SFSWAP: variants seen among roughly 807,000 people sequenced by gnomAD.
SFSWAP encodes splicing factor, suppressor of white-apricot homolog.
A neutral mutation model predicts 100.7 loss-of-function variants in SFSWAP; 17 were observed. The observed-to-expected ratio is 0.17, with a 90% CI of 0.12 to 0.25. The LOEUF (loss-of-function observed/expected upper bound fraction) is 0.25. SFSWAP is among the 10% of genes least tolerant of loss of function. The pLI, the probability that SFSWAP is intolerant of heterozygous loss-of-function variation, is 1.00. For missense variants in SFSWAP, 1,005 were observed against 1,262.6 expected (o/e 0.80, Z 3.09); for synonymous variants, 504 against 510.1 (o/e 0.99, Z 0.16).
intron 7 of SFSWAP, among the ~76,000 whole-genome samples, chr12:131,752,158 C>G (rs955326692): frequency 6.6e-6 from 1 of 152,176 alleles, no homozygotes; most frequent in East Asian, 1.9e-4. Context: ...TACTGGAAAC[C>G]ATAGTTAAGC....
chr12:131,741,644 CAAAA>C (rs543737279), intron 7 of SFSWAP, among the ~76,000 whole-genome samples: 21 of 68,874 alleles, frequency 3.0e-4, no homozygotes, highest in Admixed American at 2.0e-3. Flanking sequence ...AGACTCTGTC[CAAAA>C]AAAAAAAAAA....
Position 131,714,424 on chromosome 12 carries a change from C to A in SFSWAP, c.388+184C>A. The A allele has an allele frequency of 1.8e-6, 1 of 549,770 alleles. No individual in the cohort carries two copies. Among genetic ancestry groups the A allele is most frequent in the Non-Finnish European group, 3.1e-6 (1 of 320,798 alleles). 34.1% of individuals were successfully genotyped at this position (549,770 alleles called of 1,614,324 possible). A position where few individuals can be genotyped will look rare whatever the true frequency, so the allele number is the denominator to read the frequency against. On this transcript the variant is annotated intron_variant, in intron 2 of 17. Coordinates refer to ENST00000261674, the MANE Select transcript of SFSWAP (RefSeq NM_004592.4). The surrounding 1 kb of genome is among the most constrained non-coding windows in gnomAD (Gnocchi z 6.0). Reference sequence around the variant, plus strand: ...ACCTCAGGATAGTTTATATATAGAGCCACAAAGAATTTTCCCAGCTTTTGA... The same window carrying A: ...ACCTCAGGATAGTTTATATATAGAGACACAAAGAATTTTCCCAGCTTTTGA...
chr12:131,723,468 T>C (rs917198259), intron 4 of SFSWAP, among the ~76,000 whole-genome samples: 6 of 152,218 alleles, frequency 3.9e-5, no homozygotes, highest in East Asian at 3.8e-4. Flanking sequence ...AATATTTTCC[T>C]ATATTTACTG....
At chr12:131,772,152 G>A (rs1176676791) in intron 13 of SFSWAP, among the ~76,000 whole-genome samples, 1 of 152,150 alleles carries the variant, frequency 6.6e-6, no homozygotes, top group Non-Finnish European at 1.5e-5. Context: ...GAATTTATTT[G>A]AGTTTGAGGA....
intron 4 of SFSWAP, among the ~76,000 whole-genome samples, chr12:131,722,888 G>A (rs1198837341): frequency 6.6e-6 from 1 of 152,174 alleles, no homozygotes; most frequent in Non-Finnish European, 1.5e-5. Flanking sequence ...GGTGGAGGTT[G>A]TAGTGAGCTA....
At chr12:131,721,598 A>T (rs12306652) in intron 4 of SFSWAP, among the ~76,000 whole-genome samples, 6,927 of 152,226 alleles carry the variant, frequency 0.046, 537 homozygotes, top group African/African-American at 0.16. Context: ...AGTGTTAAAA[A>T]TTTTTTAATT....
chr12:131,765,601 T>G (rs1034289017), intron 12 of SFSWAP, among the ~76,000 whole-genome samples: 1 of 151,254 alleles, frequency 6.6e-6, no homozygotes, highest in Non-Finnish European at 1.5e-5. Context: ...TGAGCTGAGA[T>G]CACGCCATTG....
chr12:131,748,553 T>A (rs960095212), intron 7 of SFSWAP, among the ~76,000 whole-genome samples: 2 of 152,224 alleles, frequency 1.3e-5, no homozygotes, highest in East Asian at 1.9e-4. Context: ...AAGAACCTTC[T>A]CAGCACAGGA....
At chr12:131,740,777 C>T (rs1382940080) in intron 7 of SFSWAP, among the ~76,000 whole-genome samples, 1 of 151,960 alleles carries the variant, frequency 6.6e-6, no homozygotes, top group Non-Finnish European at 1.5e-5. Context: ...ACAGCAGGGC[C>T]CCACAGCCTT....
At chr12:131,758,347 A>G (rs936953466) in intron 11 of SFSWAP, among the ~76,000 whole-genome samples, 1 of 152,216 alleles carries the variant, frequency 6.6e-6, no homozygotes, top group African/African-American at 2.4e-5. Context: ...TTTACCGTCT[A>G]CATCCACCCA....
rs552356238 is a variant in SFSWAP at position 131,792,196 on chromosome 12, T to C, written c.2535-4982T>C. On this transcript the variant is annotated intron_variant, in intron 15 of 17. Coordinates refer to ENST00000261674, the MANE Select transcript of SFSWAP (RefSeq NM_004592.4). ...TGTGTTCACAGATCATTACTGTGTG[T>C]GCGCCCGTGTGTGTTCACGGATCAT... 4.0e-5 allele frequency among the ~76,000 whole-genome samples: 6 copies of C among 150,374 alleles called. No individual in the cohort carries two copies. In the East Asian group the frequency reaches 5.8e-4, roughly 15 times the overall value.
intron 10 of SFSWAP, 98 bp from the exon 11 acceptor site, chr12:131,756,375 G>A (rs1882157333): frequency 9.7e-7 from 1 of 1,031,914 alleles, no homozygotes; most frequent in African/African-American, 1.6e-5. Flanking sequence ...ATGTACAATT[G>A]CCGTTGTCCA....
At chr12:131,724,212 C>G (rs1878750840) in intron 4 of SFSWAP, among the ~76,000 whole-genome samples, 1 of 152,122 alleles carries the variant, frequency 6.6e-6, no homozygotes, top group Non-Finnish European at 1.5e-5. Flanking sequence ...TTTGGATCAA[C>G]AAGTTGGTTT....
chr12:131,782,738 A>G (rs1884591700), intron 14 of SFSWAP, among the ~76,000 whole-genome samples: 2 of 152,244 alleles, frequency 1.3e-5, no homozygotes, highest in South Asian at 4.1e-4. Context: ...CTGTGGTTGA[A>G]GTCCCATGTA....
At chr12:131,724,370 C>T (rs556745135) in intron 4 of SFSWAP, among the ~76,000 whole-genome samples, 1 of 152,302 alleles carries the variant, frequency 6.6e-6, no homozygotes, top group Admixed American at 6.5e-5. Flanking sequence ...AAGTCGTGGA[C>T]ATGCATACAG....
chr12:131,729,306 C>G (rs1187904653), intron 7 of SFSWAP, among the ~76,000 whole-genome samples: 1 of 152,034 alleles, frequency 6.6e-6, no homozygotes, highest in Non-Finnish European at 1.5e-5. Flanking sequence ...GAGTTTGAGA[C>G]CAGCCTGGAC....
chr12:131,753,083 TG>T, intron 7 of SFSWAP, 39 bp from the exon 8 acceptor site: 1 of 1,609,144 alleles, frequency 6.2e-7, no homozygotes, highest in Non-Finnish European at 8.5e-7. Flanking sequence ...GACCAGCCTG[TG>T]GCCGGCCATG....
intron 17 of SFSWAP, 130 bp from the exon 18 acceptor site, chr12:131,799,293 G>A (rs1187365514): frequency 1.8e-6 from 2 of 1,101,368 alleles, no homozygotes; most frequent in Non-Finnish European, 2.8e-6. Flanking sequence ...TGCACAGCCA[G>A]GCTCCTCCGC....
At chr12:131,736,834 G>A (rs1269079996) in intron 7 of SFSWAP, among the ~76,000 whole-genome samples, 1 of 152,012 alleles carries the variant, frequency 6.6e-6, no homozygotes, top group Non-Finnish European at 1.5e-5. Flanking sequence ...AACCTACAAT[G>A]GAGTGCCATT....
Sources: allele counts gnomAD v4.1 joint callset (sites outside exome capture counted in the v4.1 genomes callset), GRCh38; gene constraint gnomAD v4.1.1; non-coding constraint Gnocchi (gnomAD v3.1); transcripts MANE v1.5; gene names NCBI Gene and HGNC (gene_info 2026-07-23, HGNC 2026-07-21).